TAFA1: variants seen among roughly 807,000 people sequenced by gnomAD.
TAFA1 encodes the protein chemokine-like protein TAFA-1.
A neutral mutation model predicts 18.5 loss-of-function variants in TAFA1; 4 were observed. That is an observed-to-expected ratio of 0.22 (90% CI 0.11 to 0.49). The LOEUF (loss-of-function observed/expected upper bound fraction) is 0.49, where lower values mean the gene tolerates loss of function less well. TAFA1 is among the 20% of genes least tolerant of loss of function. The pLI, the probability that TAFA1 is intolerant of heterozygous loss-of-function variation, is 0.98. For missense variants in TAFA1, 147 were observed against 169.0 expected (o/e 0.87, Z 0.72); for synonymous variants, 56 against 55.2 (o/e 1.01, Z -0.06).
chr3:68,468,035 G>C (rs1467013237), intron 3 of TAFA1, among the ~76,000 whole-genome samples: 5 of 152,130 alleles, frequency 3.3e-5, no homozygotes, highest in Non-Finnish European at 5.9e-5. Context: ...GTCAAGATAT[G>C]ATTATCTAGT....
At chr3:68,232,208 ATCC>A (rs1247976104) in intron 2 of TAFA1, among the ~76,000 whole-genome samples, 2 of 152,030 alleles carry the variant, frequency 1.3e-5, no homozygotes, top group African/African-American at 4.8e-5. Context: ...ACCTCTCCCT[ATCC>A]TCCTCTCCCT....
At chr3:68,497,342 A>G (rs560549302) in intron 3 of TAFA1, among the ~76,000 whole-genome samples, 2 of 152,320 alleles carry the variant, frequency 1.3e-5, no homozygotes, top group Admixed American at 1.3e-4. Flanking sequence ...GATAATAGCA[A>G]TATGGCAAGG....
intron 2 of TAFA1, among the ~76,000 whole-genome samples, chr3:68,232,720 C>A (rs778606611): frequency 5.9e-5 from 9 of 152,056 alleles, no homozygotes; most frequent in Admixed American, 1.3e-4. Context: ...ATCCTCCCAC[C>A]TTAGCTTCCC....
At chr3:68,024,072 G>T (rs538135896) in intron 2 of TAFA1, among the ~76,000 whole-genome samples, 1 of 152,172 alleles carries the variant, frequency 6.6e-6, no homozygotes, top group Admixed American at 6.5e-5. Flanking sequence ...GAATGCTGCT[G>T]TTTGCTTCAG....
chr3:68,337,739 C>T (rs1027070179), intron 2 of TAFA1, among the ~76,000 whole-genome samples: 4 of 152,106 alleles, frequency 2.6e-5, no homozygotes, highest in Non-Finnish European at 4.4e-5. Context: ...CTTAAAGTAA[C>T]CTTGAAACGG....
chr3:68,235,155 T>C (rs1224581461), intron 2 of TAFA1, among the ~76,000 whole-genome samples: 2 of 152,092 alleles, frequency 1.3e-5, no homozygotes, highest in African/African-American at 4.8e-5. Context: ...TTTCCTCACA[T>C]ATGGCAACTT....
chr3:68,059,716 G>C (rs1231805689), intron 2 of TAFA1, among the ~76,000 whole-genome samples: 1 of 152,202 alleles, frequency 6.6e-6, no homozygotes, highest in Non-Finnish European at 1.5e-5. Context: ...CTAGTCCACA[G>C]TTTAGCCAAG....
At chr3:68,314,551 A>C (rs1559613288) in intron 2 of TAFA1, among the ~76,000 whole-genome samples, 1 of 152,216 alleles carries the variant, frequency 6.6e-6, no homozygotes, top group Non-Finnish European at 1.5e-5. Flanking sequence ...TTTTTGACAA[A>C]GTATCACTAT....
In TAFA1 at chr3:68,417,413, C is replaced by T. The variant is rs529839655; in HGVS notation, c.252C>T (p.Cys84=). The T allele has an allele frequency of 2.5e-4, 399 of 1,613,432 alleles. 2 individuals carry two copies. The South Asian group carries it at 3.0e-3, about 12-fold the overall frequency. ...GAACAACAAGAAACCGGCCTTCTTG[C>T]GTCGATGGTAGGTACCTGGTTTTAC... ...VAGTTRNRPS[C]VDASIVIGKW... The change falls in exon 3 of 5, where the codon TGC becomes TGT. Residue 84 remains cysteine, a synonymous_variant. Transcript: ENST00000478136.
chr3:68,170,885 C>CAT (rs751848952), intron 2 of TAFA1, among the ~76,000 whole-genome samples: 16 of 151,412 alleles, frequency 1.1e-4, no homozygotes, highest in Non-Finnish European at 1.8e-4. Context: ...CACACACACA[C>CAT]GTACACACAC....
At chr3:68,025,536 A>G (rs1167025788) in intron 2 of TAFA1, among the ~76,000 whole-genome samples, 1 of 152,158 alleles carries the variant, frequency 6.6e-6, no homozygotes, top group Non-Finnish European at 1.5e-5. Context: ...GTAAGAGTCA[A>G]AGTCCTTGCA....
chr3:68,037,276 C>T (rs1705071921), intron 2 of TAFA1, among the ~76,000 whole-genome samples: 1 of 152,014 alleles, frequency 6.6e-6, no homozygotes. Flanking sequence ...GGTGGGTGAC[C>T]TATGAAGGGG....
intron 2 of TAFA1, among the ~76,000 whole-genome samples, chr3:68,077,020 T>C (rs2064833484): frequency 6.6e-6 from 1 of 152,070 alleles, no homozygotes; most frequent in Non-Finnish European, 1.5e-5. Context: ...TGAGATGGTA[T>C]CTCATTGTGG....
intron 2 of TAFA1, among the ~76,000 whole-genome samples, chr3:68,024,142 T>G (rs572120564): frequency 1.3e-5 from 2 of 152,182 alleles, no homozygotes; most frequent in African/African-American, 2.4e-5. Flanking sequence ...ATCCTAAGTA[T>G]TTTTTATTCT....
intron 2 of TAFA1, among the ~76,000 whole-genome samples, chr3:68,097,084 A>T (rs1286752011): frequency 6.6e-6 from 1 of 152,100 alleles, no homozygotes. Context: ...ATGATTCCTA[A>T]GCAAAAGAAT....
chr3:68,431,635 C>G (rs1416496803), intron 3 of TAFA1, among the ~76,000 whole-genome samples: 2 of 151,912 alleles, frequency 1.3e-5, no homozygotes, highest in Non-Finnish European at 2.9e-5. Context: ...TGCATTCATT[C>G]TCAAACAGAC....
intron 2 of TAFA1, among the ~76,000 whole-genome samples, chr3:68,063,328 A>C (rs945967981): frequency 2.0e-5 from 3 of 152,198 alleles, no homozygotes; most frequent in African/African-American, 7.2e-5. Flanking sequence ...GGTGGGTCTC[A>C]TCTTAGAGAA....
Position 68,065,316 on chromosome 3 carries a change from T to C in TAFA1, c.118+58572T>C, listed in dbSNP as rs149418609. On this transcript the variant is annotated intron_variant, in intron 2 of 4. Transcript: ENST00000478136. ...TTCCAAGGATGACTGCAGAATACAT[T>C]TTTATCTGATCACATAAATCAGAGT... 2.6e-5 allele frequency among the ~76,000 whole-genome samples: 4 copies of C among 152,234 alleles called. No individual in the cohort carries two copies. The East Asian group carries it at 7.7e-4, about 29-fold the overall frequency.
At chr3:68,090,616 C>A (rs1258923296) in intron 2 of TAFA1, among the ~76,000 whole-genome samples, 1 of 152,100 alleles carries the variant, frequency 6.6e-6, no homozygotes, top group East Asian at 1.9e-4. Flanking sequence ...ATCAGTGATT[C>A]CTTGTTCAAT....
Sources: allele counts gnomAD v4.1 joint callset (sites outside exome capture counted in the v4.1 genomes callset), GRCh38; gene constraint gnomAD v4.1.1; transcripts MANE v1.5; gene names NCBI Gene and HGNC (gene_info 2026-07-23, HGNC 2026-07-21).